HSPA14: variants seen among roughly 807,000 people sequenced by gnomAD.
The protein encoded by HSPA14 is heat shock 70 kDa protein 14.
HSPA14 carries 37 observed loss-of-function variants against 65.5 expected under a neutral mutation model. The ratio of observed to expected loss-of-function variants is 0.56; its 90% CI spans 0.43 to 0.74. The LOEUF is 0.74. Among genes scored for constraint, HSPA14 ranks in the 30% least tolerant of loss-of-function variants. HSPA14 has a pLI of 0.00. For synonymous variants in HSPA14, 203 were observed against 214.2 expected (o/e 0.95, Z 0.46); for missense variants, 564 against 607.6 (o/e 0.93, Z 0.75).
intron 10 of HSPA14, among the ~76,000 whole-genome samples, chr10:14,857,671 G>A (rs1467451906): frequency 2.0e-5 from 3 of 152,044 alleles, no homozygotes; most frequent in African/African-American, 4.8e-5. Flanking sequence ...CTTCCTTTGA[G>A]GCATTTACTT....
Position 14,848,818 on chromosome 10 carries a change from A to G in HSPA14, c.299A>G (p.Tyr100Cys). 6.3e-7 allele frequency: 1 copy of G among 1,581,720 alleles called. No individual in the cohort carries two copies. Among genetic ancestry groups the G allele is most frequent in the Admixed American group, 1.7e-5 (1 of 58,248 alleles). Residue 100 changes from tyrosine to cysteine, a missense_variant, in exon 5 of 14, where the codon TAT becomes TGT. Transcript: ENST00000378372. ...ATTGAAAAAAATGGGAAATTACGATATGAAATAGATACTGGAGAAGAAACA... is the reference window on the plus strand; with the variant it reads ...ATTGAAAAAAATGGGAAATTACGATGTGAAATAGATACTGGAGAAGAAACA... Reference protein sequence around the residue: ...LVIEKNGKLRYEIDTGEETKF... With the variant: ...LVIEKNGKLRCEIDTGEETKF...
At chr10:14,868,165 G>A (rs139616484) in intron 12 of HSPA14, among the ~76,000 whole-genome samples, 1 of 152,152 alleles carries the variant, frequency 6.6e-6, no homozygotes, top group African/African-American at 2.4e-5. Context: ...GGCCTACCTT[G>A]GTAGTTAGGT....
chr10:14,852,449 C>G lies in HSPA14; in HGVS notation c.652C>G (p.Leu218Val), dbSNP rs934274719. ...MEVNSGIYRV[L>V]STNTDDNIGG... ...AGTTAACAGTGGAATATATCGGGTT[C>G]TTTCAACAAACACTGATGATAACAT... Residue 218 changes from leucine (L) to valine (V), a missense_variant, in exon 8 of 14, where the codon CTT becomes GTT. Transcript: ENST00000378372. 1.2e-6 allele frequency: 2 copies of G among 1,613,932 alleles called. No individual in the cohort carries two copies. The highest frequency in any genetic ancestry group is 1.7e-6 in the Non-Finnish European group (2 of 1,179,842).
intron 3 of HSPA14, chr10:14,843,480 C>T (rs1318978119): frequency 6.4e-7 from 1 of 1,550,516 alleles, no homozygotes; most frequent in Non-Finnish European, 8.7e-7. Flanking sequence ...CCGGGGAGCC[C>T]AGCCCCTGCA....
At chr10:14,862,253 C>T (rs546037319) in intron 10 of HSPA14, among the ~76,000 whole-genome samples, 1 of 151,542 alleles carries the variant, frequency 6.6e-6, no homozygotes, top group Non-Finnish European at 1.5e-5. Flanking sequence ...TGGTCTCAAT[C>T]TCCTGACCTC....
intron 10 of HSPA14, 137 bp from the exon 11 acceptor site, chr10:14,866,946 C>T (rs987900516): frequency 3.5e-6 from 2 of 578,104 alleles, no homozygotes; most frequent in Middle Eastern, 4.7e-4. Flanking sequence ...TTAAGTATAA[C>T]ATAACATGTT....
At chr10:14,845,407 G>C in intron 3 of HSPA14, 1 of 985,332 alleles carries the variant, frequency 1.0e-6, no homozygotes, top group Non-Finnish European at 1.2e-6. Flanking sequence ...TGGAGAAATG[G>C]TCAGAGCAGC....
At position 14,839,945 on chromosome 10, in the gene HSPA14, G is replaced by A; in HGVS notation, c.98G>A (p.Arg33Gln). The change falls in exon 2 of 14, where the codon CGA becomes CAA. Residue 33 changes from arginine to glutamine, a missense_variant. Physicochemically the swap from Arg to Gln is conservative, Grantham distance 43. Coordinates refer to ENST00000378372, the MANE Select transcript of HSPA14 (RefSeq NM_016299.4). Reference sequence around the variant, plus strand: ...GTGGTTGCAAATGATGCCGGTGACCGAGTTACTCCAGCTGTTGTTGCTTAC... The same window carrying A: ...GTGGTTGCAAATGATGCCGGTGACCAAGTTACTCCAGCTGTTGTTGCTTAC... ...AGVVANDAGD[R>Q]VTPAVVAYSE... 1 of 1,612,824 alleles carries A rather than the reference G, an allele frequency of 6.2e-7. No individual in the cohort carries two copies. Among genetic ancestry groups the A allele is most frequent in the Non-Finnish European group, 8.5e-7 (1 of 1,179,318 alleles).
intron 10 of HSPA14, among the ~76,000 whole-genome samples, chr10:14,860,267 A>G (rs558480825): frequency 1.3e-5 from 2 of 152,302 alleles, no homozygotes; most frequent in South Asian, 4.1e-4. Context: ...TGATTAACCC[A>G]CAAATAATTA....
intron 7 of HSPA14, among the ~76,000 whole-genome samples, chr10:14,852,010 T>C (rs1332872431): frequency 6.6e-6 from 1 of 152,214 alleles, no homozygotes; most frequent in Non-Finnish European, 1.5e-5. Flanking sequence ...CTACAGAACA[T>C]GCAATTGCAT....
intron 3 of HSPA14, chr10:14,845,588 TA>T (rs1834038927): frequency 1.1e-6 from 1 of 933,182 alleles, no homozygotes; most frequent in Non-Finnish European, 1.3e-6. Context: ...TGCCCTTTTC[TA>T]TTATTATTAT....
chr10:14,865,157 G>A (rs1460448401), intron 10 of HSPA14, among the ~76,000 whole-genome samples: 2 of 152,094 alleles, frequency 1.3e-5, no homozygotes, highest in African/African-American at 2.4e-5. Flanking sequence ...TCGCCCACTT[G>A]TTGATGGGGC....
chr10:14,853,664 G>A (rs1834123987), intron 8 of HSPA14, among the ~76,000 whole-genome samples: 1 of 152,134 alleles, frequency 6.6e-6, no homozygotes, highest in African/African-American at 2.4e-5. Context: ...AGTTTAGAGG[G>A]ATTAGAAGAG....
intron 10 of HSPA14, among the ~76,000 whole-genome samples, chr10:14,865,674 T>C (rs1266436330): frequency 6.6e-6 from 1 of 152,228 alleles, no homozygotes; most frequent in African/African-American, 2.4e-5. Context: ...TTCTGTTCCA[T>C]TGGTCTGTAT....
chr10:14,856,894 A>T (rs902301083), intron 10 of HSPA14, among the ~76,000 whole-genome samples: 3 of 152,188 alleles, frequency 2.0e-5, no homozygotes, highest in South Asian at 2.1e-4. Context: ...TATGATTTTT[A>T]AAATTTTCAT....
At position 14,842,304 on chromosome 10, in the gene HSPA14, G is replaced by T. The variant is rs542255842; in HGVS notation, c.221+2147G>T. On this transcript the variant is annotated intron_variant, in intron 3 of 13. Coordinates refer to ENST00000378372, the MANE Select transcript of HSPA14 (RefSeq NM_016299.4). This position sits in a 1 kb window ranked among gnomAD's most constrained non-coding sequence, Gnocchi z 5.2. ...CCCACAATGGCCAGTGCCAATAGCA[G>T]TGCGGGCATCCGGTGGTCCAGACAG... is the stretch of plus-strand genomic sequence containing the variant. The T allele has an allele frequency of 2.0e-6, 3 of 1,535,916 alleles. No homozygotes were observed. Among genetic ancestry groups the T allele is most frequent in the South Asian group, 1.2e-5 (1 of 84,052 alleles).
intron 5 of HSPA14, 146 bp downstream of exon 5, chr10:14,849,041 G>A (rs1834087794): frequency 9.2e-6 from 5 of 541,478 alleles, no homozygotes; most frequent in Non-Finnish European, 1.3e-5. Context: ...CGACCTGGTT[G>A]GGGCACTAAC....
At chr10:14,850,097 A>G (rs900945167) in intron 6 of HSPA14, among the ~76,000 whole-genome samples, 5 of 152,120 alleles carry the variant, frequency 3.3e-5, no homozygotes, top group African/African-American at 1.2e-4. Flanking sequence ...AATATGGCCA[A>G]ACCCTGTCTC....
intron 10 of HSPA14, among the ~76,000 whole-genome samples, chr10:14,864,338 T>C (rs1460621811): frequency 6.6e-6 from 1 of 151,050 alleles, no homozygotes; most frequent in African/African-American, 2.4e-5. Context: ...TTTTTATATA[T>C]ATTTTTATTA....
Sources: gnomAD v4.1 joint callset for allele counts (sites outside exome capture counted in the v4.1 genomes callset) on GRCh38, gnomAD v4.1.1 for gene constraint, Gnocchi (gnomAD v3.1) non-coding constraint, MANE v1.5 for transcripts, NCBI Gene and HGNC (gene_info 2026-07-23, HGNC 2026-07-21) for gene names.